Variants in ITFG1 observed in about 807,000 individuals in gnomAD.
The protein encoded by ITFG1 is integrin alpha FG-GAP repeat containing 1, also known as T-cell immunomodulatory protein.
ITFG1 carries 34 observed loss-of-function variants against 81.8 expected under a neutral mutation model. The ratio of observed to expected loss-of-function variants is 0.42; its 90% confidence interval spans 0.32 to 0.55. The LOEUF (loss-of-function observed/expected upper bound fraction) is 0.55. ITFG1 is among the 20% of genes least tolerant of loss of function. The pLI, the probability that ITFG1 is intolerant of heterozygous loss-of-function variation, is 0.17. For missense variants in ITFG1, 672 were observed against 755.4 expected, an observed-to-expected ratio of 0.89 and a Z score of 1.29; for synonymous variants, 285 against 270.6, an observed-to-expected ratio of 1.05 and a Z score of -0.52.
chr16:47,286,564 C>T (rs1388640737), intron 10 of ITFG1, among the ~76,000 whole-genome samples: 3 of 151,542 alleles, frequency 2.0e-5, no homozygotes, highest in African/African-American at 4.9e-5. Flanking sequence ...CACTTGAACC[C>T]GGGAGGCAGA....
chr16:47,183,921 C>T (rs1271472968), intron 14 of ITFG1, among the ~76,000 whole-genome samples: 1 of 152,054 alleles, frequency 6.6e-6, no homozygotes, highest in African/African-American at 2.4e-5. Flanking sequence ...ACTACAATAA[C>T]CAATACAGAG....
At chr16:47,428,757 T>C (rs764594514) in intron 6 of ITFG1, 47 bp downstream of exon 6, 3 of 1,122,210 alleles carry the variant, frequency 2.7e-6, no homozygotes, top group South Asian at 1.3e-5. Context: ...TAAAATCCCA[T>C]ACTTCTTTGG....
At chr16:47,393,276 A>T (rs900837399) in intron 6 of ITFG1, among the ~76,000 whole-genome samples, 2 of 152,074 alleles carry the variant, frequency 1.3e-5, no homozygotes, top group African/African-American at 4.8e-5. Context: ...ACTACACTGT[A>T]CTCGAGGGTG....
intron 7 of ITFG1, among the ~76,000 whole-genome samples, chr16:47,372,477 G>A (rs754518817): frequency 3.3e-4 from 47 of 140,416 alleles, no homozygotes; most frequent in Non-Finnish European, 4.5e-4. Flanking sequence ...TTTATTTTTT[G>A]AGATGGAGTC....
chr16:47,273,259 T>C (rs192072826), intron 10 of ITFG1, among the ~76,000 whole-genome samples: 8 of 152,080 alleles, frequency 5.3e-5, no homozygotes, highest in Admixed American at 2.6e-4. Flanking sequence ...TCTGTCTTAC[T>C]GTATAAACCT....
At chr16:47,333,881 C>G (rs755016836) in intron 8 of ITFG1, among the ~76,000 whole-genome samples, 3 of 152,170 alleles carry the variant, frequency 2.0e-5, no homozygotes, top group African/African-American at 7.2e-5. Context: ...ATGGTTTCAA[C>G]TGAGATTTTA....
chr16:47,325,087 A>G (rs1256662740), intron 8 of ITFG1, among the ~76,000 whole-genome samples: 1 of 152,230 alleles, frequency 6.6e-6, no homozygotes, highest in African/African-American at 2.4e-5. Flanking sequence ...TTGGAAGTAA[A>G]GCACTCCTCA....
At chr16:47,247,026 C>T (rs72800632) in intron 12 of ITFG1, among the ~76,000 whole-genome samples, 8,145 of 152,198 alleles carry the variant, frequency 0.054, 311 homozygotes, top group Non-Finnish European at 0.078. Context: ...TCAAGTGATT[C>T]GCCTGCCTTG....
chr16:47,369,332 A>G (rs1026425459), intron 7 of ITFG1, among the ~76,000 whole-genome samples: 49 of 152,140 alleles, frequency 3.2e-4, no homozygotes, highest in Admixed American at 3.2e-3. Flanking sequence ...AAGTTATGTC[A>G]CTTTGGGACA....
chr16:47,376,015 G>T, intron 6 of ITFG1, 75 bp from the exon 7 acceptor site: 1 of 761,110 alleles, frequency 1.3e-6, no homozygotes, highest in Non-Finnish European at 2.2e-6. Flanking sequence ...GAAAAAAAAT[G>T]CAATACATTA....
At chr16:47,441,914 T>C (rs1281026331) in intron 5 of ITFG1, among the ~76,000 whole-genome samples, 2 of 152,228 alleles carry the variant, frequency 1.3e-5, no homozygotes, top group African/African-American at 4.8e-5. Context: ...ATGACATGAT[T>C]GTATATCTAG....
rs1432746635 is a variant in ITFG1, at chr16:47,335,682, C to T, written c.803-21859G>A. On this transcript the variant is annotated intron_variant, in intron 8 of 17. Transcript: ENST00000320640. ...GCAAATAAATGGCAAAATAAGACACCACTACACACCAAATAAAATAGTTAT... is the reference window on the plus strand; with the variant it reads ...GCAAATAAATGGCAAAATAAGACACTACTACACACCAAATAAAATAGTTAT... 2.0e-5 allele frequency among the ~76,000 whole-genome samples: 3 copies of T among 152,058 alleles called. No homozygotes were observed. In the East Asian group the frequency reaches 5.8e-4, roughly 29 times the overall value.
At chr16:47,355,802 T>C (rs149929415) in intron 8 of ITFG1, among the ~76,000 whole-genome samples, 2 of 152,324 alleles carry the variant, frequency 1.3e-5, no homozygotes, top group Non-Finnish European at 2.9e-5. Flanking sequence ...CATAAACATA[T>C]ATTCTAGAAT....
chr16:47,181,663 C>T (rs996702233), intron 14 of ITFG1, among the ~76,000 whole-genome samples: 2 of 151,746 alleles, frequency 1.3e-5, no homozygotes, highest in Non-Finnish European at 2.9e-5. Context: ...TGCCCGGCCA[C>T]CACCCCATCT....
At chr16:47,242,186 C>A (rs1380892882) in intron 12 of ITFG1, among the ~76,000 whole-genome samples, 1 of 151,568 alleles carries the variant, frequency 6.6e-6, no homozygotes, top group Non-Finnish European at 1.5e-5. Context: ...AGACTAGTGA[C>A]AAAGGGGGTG....
At chr16:47,392,002 T>C (rs139278924) in intron 6 of ITFG1, among the ~76,000 whole-genome samples, 168 of 152,310 alleles carry the variant, frequency 1.1e-3, no homozygotes, top group African/African-American at 3.8e-3. Flanking sequence ...TCCTTTATTT[T>C]TACATATAAG....
intron 17 of ITFG1, among the ~76,000 whole-genome samples, chr16:47,158,159 A>G (rs1217473709): frequency 1.3e-5 from 2 of 152,174 alleles, no homozygotes; most frequent in Non-Finnish European, 2.9e-5. Context: ...AAGTGGTACA[A>G]TCGCAGCTCA....
intron 5 of ITFG1, among the ~76,000 whole-genome samples, chr16:47,440,739 G>T (rs1037413463): frequency 6.6e-5 from 10 of 152,024 alleles, no homozygotes; most frequent in African/African-American, 1.4e-4. Flanking sequence ...AAGAAGGAAA[G>T]ATCTAAAATT....
chr16:47,225,947 TG>T (rs1965751940), intron 13 of ITFG1, among the ~76,000 whole-genome samples: 1 of 152,186 alleles, frequency 6.6e-6, no homozygotes, highest in South Asian at 2.1e-4. Flanking sequence ...AATATATTTT[TG>T]TTTGTAGCTC....
Sources: gnomAD v4.1 joint callset for allele counts (sites outside exome capture counted in the v4.1 genomes callset) on GRCh38, gnomAD v4.1.1 for gene constraint, MANE v1.5 for transcripts, NCBI Gene and HGNC (gene_info 2026-07-23, HGNC 2026-07-21) for gene names.